Variants in SLC6A9 observed in about 807,000 individuals in gnomAD.
SLC6A9 encodes the protein solute carrier family 6 member 9.
Under a neutral mutation model 70.9 loss-of-function variants are expected in SLC6A9, and 31 were observed. The ratio of observed to expected loss-of-function variants is 0.44; its 90% CI spans 0.33 to 0.59. The LOEUF (loss-of-function observed/expected upper bound fraction) is 0.59. Ranked by LOEUF, SLC6A9 falls within the 20% of genes least tolerant of loss-of-function variation. The probability of loss-of-function intolerance (pLI) is 0.04; values close to 1 mark genes in which losing one functional copy is unlikely to be tolerated. For synonymous variants in SLC6A9, 310 were observed against 341.3 expected (o/e 0.91, Z 1.01); for missense variants, 631 against 845.2 (o/e 0.75, Z 3.14).
At chr1:44,003,020 C>A (rs767204834) in intron 5 of SLC6A9, 35 bp from the exon 6 acceptor site, 1 of 1,611,970 alleles carries the variant, frequency 6.2e-7, no homozygotes, top group Non-Finnish European at 8.5e-7. Context: ...GAGGGCCAGC[C>A]GCCGCTGCCC....
intron 2 of SLC6A9, chr1:44,011,593 G>A (rs200964606): frequency 7.4e-6 from 12 of 1,614,112 alleles, no homozygotes; most frequent in Non-Finnish European, 1.0e-5. Flanking sequence ...TGGGCCATGA[G>A]TTGGGGAAGG....
chr1:44,007,052 C>T (rs890094093), intron 5 of SLC6A9, among the ~76,000 whole-genome samples: 4 of 152,216 alleles, frequency 2.6e-5, no homozygotes, highest in Admixed American at 2.6e-4. Context: ...CTCAGCGTCC[C>T]ACCTGCTCCC....
chr1:44,008,062 G>A (rs1239255842), intron 5 of SLC6A9, among the ~76,000 whole-genome samples: 2 of 152,026 alleles, frequency 1.3e-5, no homozygotes, highest in Non-Finnish European at 2.9e-5. Context: ...TAGAGACAGG[G>A]TTTCACCGTG....
At chr1:44,010,550 T>C in intron 3 of SLC6A9, 176 bp downstream of exon 3, 1 of 469,218 alleles carries the variant, frequency 2.1e-6, no homozygotes, top group Non-Finnish European at 3.8e-6. Flanking sequence ...ACTGCCAGGG[T>C]CTGGGGTGGC....
At chr1:44,030,011 A>C (rs1384657371) in intron 1 of SLC6A9, among the ~76,000 whole-genome samples, 2 of 152,162 alleles carry the variant, frequency 1.3e-5, no homozygotes. Context: ...CTTTGTGCGG[A>C]AGCTGTCAGC....
Position 44,013,578 on chromosome 1 carries a change from C to T in SLC6A9, c.31-2696G>A, listed in dbSNP as rs923427904. ...TGTATGCAGAGGATCCTTGCAGAAGCAGCACCCACTTCTGCTTGGGCCTGG... is the reference window on the plus strand; with the variant it reads ...TGTATGCAGAGGATCCTTGCAGAAGTAGCACCCACTTCTGCTTGGGCCTGG... On this transcript the variant is annotated intron_variant, in intron 2 of 13. Coordinates refer to ENST00000372310, the MANE Select transcript of SLC6A9 (RefSeq NM_001024845.3). This position sits in a 1 kb window ranked among gnomAD's most constrained non-coding sequence, Gnocchi z 5.3. 6.6e-6 allele frequency among the ~76,000 whole-genome samples: 1 copy of T among 152,208 alleles called. No homozygotes were observed. The highest frequency in any genetic ancestry group is 1.5e-5 in the Non-Finnish European group (1 of 68,036).
intron 1 of SLC6A9, among the ~76,000 whole-genome samples, chr1:44,027,292 C>T (rs1474651319): frequency 2.0e-5 from 3 of 152,166 alleles, no homozygotes; most frequent in South Asian, 2.1e-4. Context: ...TATGTGATTT[C>T]GAGTAAGTTA....
At chr1:44,017,304 G>C in intron 2 of SLC6A9, 2 of 1,442,474 alleles carry the variant, frequency 1.4e-6, no homozygotes, top group Non-Finnish European at 1.8e-6. Context: ...GGGTGCTCCG[G>C]AGCTGGAGTG....
At chr1:43,998,072 C>T (rs772774884) in intron 12 of SLC6A9, 47 bp from the exon 13 acceptor site, 5 of 1,541,304 alleles carry the variant, frequency 3.2e-6, no homozygotes, top group South Asian at 2.4e-5. Context: ...ACCCAGAGCC[C>T]AGACCCCAGG....
chr1:44,007,181 C>A (rs985053010), intron 5 of SLC6A9, among the ~76,000 whole-genome samples: 4 of 152,176 alleles, frequency 2.6e-5, no homozygotes, highest in African/African-American at 9.7e-5. Flanking sequence ...CTTGCCCCAT[C>A]CCCTTAGCAC....
chr1:43,998,445 G>A (rs1231298037), intron 12 of SLC6A9, among the ~76,000 whole-genome samples: 1 of 152,198 alleles, frequency 6.6e-6, no homozygotes, highest in African/African-American at 2.4e-5. Flanking sequence ...GTCACACCCA[G>A]TGTTTCCCAC....
chr1:43,997,682 G>A lies in SLC6A9; in HGVS notation c.1765C>T (p.Arg589Trp), dbSNP rs751362386. 8.1e-6 allele frequency: 13 copies of A among 1,612,188 alleles called. No individual in the cohort carries two copies. Among genetic ancestry groups the A allele is most frequent in the South Asian group, 4.4e-5 (4 of 90,990 alleles). Residue 589 changes from arginine (R) to tryptophan (W), a missense_variant, in exon 14 of 14, where the codon CGG becomes TGG. Coordinates refer to ENST00000372310, the MANE Select transcript of SLC6A9 (RefSeq NM_001024845.3). The surrounding 1 kb of genome is among the most constrained non-coding windows in gnomAD (Gnocchi z 4.4). ...ATGGTGGGGGCGTAGCGCCCTGTCC[G>A]GTGCTCCAGGAGGGCAGGGCCCCAG... ...RDWGPALLEHRTGRYAPTIAP... is the reference protein window; with the variant it reads ...RDWGPALLEHWTGRYAPTIAP...
chr1:44,006,750 G>A (rs1022127719), intron 5 of SLC6A9, among the ~76,000 whole-genome samples: 5 of 152,148 alleles, frequency 3.3e-5, no homozygotes. Flanking sequence ...GCCCCTCTGG[G>A]GGACAGCAAC....
chr1:43,999,606 T>G (rs886628652), intron 12 of SLC6A9, among the ~76,000 whole-genome samples: 4 of 152,046 alleles, frequency 2.6e-5, no homozygotes, highest in Admixed American at 1.3e-4. Context: ...CACTGAGACT[T>G]CCGTTCCTCC....
At chr1:44,017,237 C>T in intron 2 of SLC6A9, 1 of 1,520,182 alleles carries the variant, frequency 6.6e-7, no homozygotes, top group Non-Finnish European at 8.8e-7. Flanking sequence ...TCCCGAAGCT[C>T]TGCCTACCCG....
Position 44,018,636 on chromosome 1 carries a change from TA to T in SLC6A9, c.30+5611del, listed in dbSNP as rs869031878. Among the ~76,000 whole-genome samples, 2 of 132,318 alleles carry T rather than the reference TA, an allele frequency of 1.5e-5. No individual in the cohort carries two copies. The highest frequency in any genetic ancestry group is 3.3e-5 in the Non-Finnish European group (2 of 60,300). The allele number at this position is 132,318 out of a possible 152,430, so 86.8% of individuals were successfully genotyped here. On this transcript the variant is annotated intron_variant, in intron 2 of 13. Transcript: ENST00000372310. The surrounding 1 kb of genome is among the most constrained non-coding windows in gnomAD (Gnocchi z 4.2). ...ATAATAATAATAATAATAATAATAA[TA>T]AATAAAAATAAAAAGACAGGTGGGG... is the stretch of plus-strand genomic sequence containing the variant.
rs200313484 is a variant in SLC6A9, at chr1:44,002,299, C to A, written c.962+14G>T. 9 of 1,594,078 alleles carry A rather than the reference C, an allele frequency of 5.6e-6. No homozygotes were observed. The Admixed American group carries it at 8.3e-5, about 15-fold the overall frequency. On this transcript the variant is annotated intron_variant, in intron 8 of 13. Coordinates refer to ENST00000372310, the MANE Select transcript of SLC6A9 (RefSeq NM_001024845.3). The surrounding 1 kb of genome is among the most constrained non-coding windows in gnomAD (Gnocchi z 5.5). ...CAGGAAGGGGGCAGCCTCAGCCCAG[C>A]AGGGAGCACTCACCGGTAACAGTTA...
intron 12 of SLC6A9, among the ~76,000 whole-genome samples, chr1:43,999,696 C>T (rs2086017353): frequency 6.6e-6 from 1 of 152,182 alleles, no homozygotes; most frequent in Non-Finnish European, 1.5e-5. Flanking sequence ...CGGGTAGAGG[C>T]CTCAGCCCTC....
chr1:44,009,963 A>G lies in SLC6A9; in HGVS notation c.319+2T>C. The G allele has an allele frequency of 6.2e-7, 1 of 1,613,704 alleles. No homozygotes were observed. The stretch of plus-strand genomic sequence containing the variant: ...TGAGCGAGTGCCCCGCCCAGGCCTC[A>G]CCTTTGAACATGGGGCTGATCCTCC... On this transcript the variant is annotated splice_donor_variant, in intron 4 of 13. Coordinates refer to ENST00000372310, the MANE Select transcript of SLC6A9 (RefSeq NM_001024845.3). LOFTEE classifies it high-confidence loss of function.
Sources: allele counts gnomAD v4.1 joint callset (sites outside exome capture counted in the v4.1 genomes callset), GRCh38; gene constraint gnomAD v4.1.1; non-coding constraint Gnocchi (gnomAD v3.1); transcripts MANE v1.5; gene names NCBI Gene and HGNC (gene_info 2026-07-23, HGNC 2026-07-21).